The following SEZ6L variants were observed in gnomAD, a reference collection of about 807,000 sequenced individuals.
SEZ6L encodes seizure related 6 homolog like, also known as seizure 6-like protein.
A neutral mutation model predicts 106.2 loss-of-function variants in SEZ6L; 37 were observed. The observed-to-expected ratio is 0.35, with a 90% CI of 0.27 to 0.46. The LOEUF is 0.46. SEZ6L is among the 20% of genes least tolerant of loss of function. SEZ6L has a pLI of 1.00. For synonymous variants in SEZ6L, 541 were observed against 570.4 expected (o/e 0.95, Z 0.73); for missense variants, 1,172 against 1,332.8 (o/e 0.88, Z 1.88).
Position 26,257,118 on chromosome 22 carries a change from G to C in SEZ6L, c.95-35288G>C, listed in dbSNP as rs534239195. ...GGTGGGGTTACTGCTGGCATCTAGAGGGTAGAGATTAGAGATGCTATTAAA... is the reference window on the plus strand; with the variant it reads ...GGTGGGGTTACTGCTGGCATCTAGACGGTAGAGATTAGAGATGCTATTAAA... On this transcript the variant is annotated intron_variant, in intron 1 of 16. Transcript: ENST00000248933. Among the ~76,000 whole-genome samples the C allele has an allele frequency of 2.6e-5, 4 of 152,258 alleles. No homozygotes were observed. The East Asian group carries it at 7.7e-4, about 29-fold the overall frequency.
rs2082796496 is a variant in SEZ6L at position 26,340,552 on chromosome 22, C to G, written c.2132C>G (p.Pro711Arg). The change falls in exon 10 of 17, where the codon CCA (proline) becomes CGA (arginine). Residue 711 changes from proline (P) to arginine (R), a missense_variant. Physicochemically the swap from Pro to Arg is moderately radical, Grantham distance 103. Transcript: ENST00000248933. ...SGPQKLYSST[P>R]DLTIQFHSDP... ...CCCCAGAAACTGTACTCCTCCACGC[C>G]AGACTTAACCATCCAGTTCCATTCG... 6.2e-7 allele frequency: 1 copy of G among 1,614,082 alleles called. No individual in the cohort carries two copies. Among genetic ancestry groups the G allele is most frequent in the African/African-American group, 1.3e-5 (1 of 74,938 alleles).
intron 3 of SEZ6L, among the ~76,000 whole-genome samples, chr22:26,295,823 T>C (rs2081284882): frequency 6.6e-6 from 1 of 152,160 alleles, no homozygotes; most frequent in South Asian, 2.1e-4. Flanking sequence ...GGATGCCATT[T>C]AGTAGGGACT....
intron 1 of SEZ6L, among the ~76,000 whole-genome samples, chr22:26,195,042 AGCCTCCCAG>A (rs1378367073): frequency 6.6e-6 from 1 of 152,204 alleles, no homozygotes; most frequent in African/African-American, 2.4e-5. Flanking sequence ...TGTGCTGCAA[AGCCTCCCAG>A]GCACAACTGG....
chr22:26,378,786 A>G (rs2084315901), intron 16 of SEZ6L, among the ~76,000 whole-genome samples: 1 of 152,188 alleles, frequency 6.6e-6, no homozygotes, highest in Non-Finnish European at 1.5e-5. Flanking sequence ...TTCACTGTGT[A>G]ATGATGTGCA....
At chr22:26,235,782 G>A (rs1345240835) in intron 1 of SEZ6L, among the ~76,000 whole-genome samples, 1 of 152,234 alleles carries the variant, frequency 6.6e-6, no homozygotes, top group Non-Finnish European at 1.5e-5. Context: ...GGACAGAGGG[G>A]TAGAATAGAG....
chr22:26,237,827 CAG>C (rs1313516197), intron 1 of SEZ6L, among the ~76,000 whole-genome samples: 1 of 151,938 alleles, frequency 6.6e-6, no homozygotes, highest in Non-Finnish European at 1.5e-5. Context: ...TTTTTTTAAT[CAG>C]CAGAGCACAA....
chr22:26,259,023 G>C (rs548672840), intron 1 of SEZ6L, among the ~76,000 whole-genome samples: 151 of 152,336 alleles, frequency 9.9e-4, no homozygotes, highest in African/African-American at 3.4e-3. Flanking sequence ...GGGCCAGTGG[G>C]CATGGCCCAA....
chr22:26,225,329 A>G (rs1239505559), intron 1 of SEZ6L, among the ~76,000 whole-genome samples: 1 of 152,216 alleles, frequency 6.6e-6, no homozygotes, highest in Non-Finnish European at 1.5e-5. Context: ...TCCACAAAAC[A>G]CTAAGAGTCA....
intron 1 of SEZ6L, among the ~76,000 whole-genome samples, chr22:26,212,566 G>A (rs542742661): frequency 1.6e-4 from 25 of 152,208 alleles, no homozygotes; most frequent in Middle Eastern, 3.4e-3. Flanking sequence ...GGGACCACAG[G>A]CATGCGCCAC....
intron 1 of SEZ6L, among the ~76,000 whole-genome samples, chr22:26,227,460 G>A (rs1476625431): frequency 2.0e-5 from 3 of 152,102 alleles, no homozygotes; most frequent in African/African-American, 7.2e-5. Flanking sequence ...CAGGCTGGAG[G>A]GCAGTGGTGT....
At chr22:26,279,735 A>G (rs375001809) in intron 1 of SEZ6L, among the ~76,000 whole-genome samples, 4 of 152,182 alleles carry the variant, frequency 2.6e-5, no homozygotes, top group African/African-American at 9.7e-5. Context: ...TGGAAACGTC[A>G]TCAGCTCCTC....
chr22:26,227,528 C>A (rs1384944154), intron 1 of SEZ6L, among the ~76,000 whole-genome samples: 1 of 151,938 alleles, frequency 6.6e-6, no homozygotes, highest in Non-Finnish European at 1.5e-5. Context: ...CCACCTCAGC[C>A]TTCTGAGTAG....
intron 9 of SEZ6L, among the ~76,000 whole-genome samples, chr22:26,314,111 G>GAGAGGAGA (rs1556340842): frequency 3.5e-5 from 5 of 143,474 alleles, no homozygotes; most frequent in African/African-American, 8.4e-5. Context: ...GAGAGAGAGA[G>GAGAGGAGA]GAGAGAGAGA....
intron 3 of SEZ6L, among the ~76,000 whole-genome samples, chr22:26,295,257 G>A (rs1474790951): frequency 6.6e-6 from 1 of 152,108 alleles, no homozygotes; most frequent in Admixed American, 6.5e-5. Flanking sequence ...AGAGAGGGAG[G>A]AGAGAGAGAG....
chr22:26,206,086 CA>C (rs1941258921), intron 1 of SEZ6L, among the ~76,000 whole-genome samples: 1 of 152,226 alleles, frequency 6.6e-6, no homozygotes. Context: ...CTTCACTCTA[CA>C]AACATAACCC....
In SEZ6L at chr22:26,179,411, G is replaced by A. The variant is rs191968703; in HGVS notation, c.94+9648G>A. Among the ~76,000 whole-genome samples, 17 of 152,140 alleles carry A rather than the reference G, an allele frequency of 1.1e-4. 1 individual carries two copies. In the East Asian group the frequency reaches 3.3e-3, roughly 30 times the overall value. On this transcript the variant is annotated intron_variant, in intron 1 of 16. Coordinates refer to ENST00000248933, the MANE Select transcript of SEZ6L (RefSeq NM_021115.5). ...GTATTTAAAAAACAACAAATGGAGA[G>A]ACACACCTTACCCCTTTCACCATGA...
chr22:26,359,550 C>A (rs570997217), intron 12 of SEZ6L, among the ~76,000 whole-genome samples: 348 of 152,316 alleles, frequency 2.3e-3, no homozygotes, highest in African/African-American at 8.1e-3. Flanking sequence ...GTAATCTCAA[C>A]ACTTTGAAAG....
At chr22:26,371,302 T>C (rs2064893308) in intron 13 of SEZ6L, among the ~76,000 whole-genome samples, 1 of 152,200 alleles carries the variant, frequency 6.6e-6, no homozygotes, top group Non-Finnish European at 1.5e-5. Flanking sequence ...CAAAGATCTA[T>C]GGATATCGAG....
Position 26,299,147 on chromosome 22 carries a change from C to A in SEZ6L, c.1326C>A (p.Ser442Arg). The A allele has an allele frequency of 1.3e-6, 2 of 1,556,332 alleles. No individual in the cohort carries two copies. The highest frequency in any genetic ancestry group is 8.7e-7 in the Non-Finnish European group (1 of 1,148,848). ...TCINASKPHW[S>R]SQEPICSAPC... is the part of the protein sequence containing the mutation. Reference sequence around the variant, plus strand: ...TCAATGCCTCCAAGCCGCACTGGAGCAGCCAGGAGCCCATCTGCTCAGGTA... The same window carrying A: ...TCAATGCCTCCAAGCCGCACTGGAGAAGCCAGGAGCCCATCTGCTCAGGTA... The change falls in exon 5 of 17, where the codon AGC (serine) becomes AGA (arginine). Residue 442 changes from serine to arginine, a missense_variant. Coordinates refer to ENST00000248933, the MANE Select transcript of SEZ6L (RefSeq NM_021115.5).
Sources: allele counts gnomAD v4.1 joint callset (sites outside exome capture counted in the v4.1 genomes callset), GRCh38; gene constraint gnomAD v4.1.1; transcripts MANE v1.5; gene names NCBI Gene and HGNC (gene_info 2026-07-23, HGNC 2026-07-21).